HABP2: variants seen among roughly 807,000 people sequenced by gnomAD.
HABP2 encodes factor VII-activating protease.
HABP2 carries 65 observed loss-of-function variants against 66.5 expected under a neutral mutation model. The observed-to-expected ratio is 0.98, with a 90% CI of 0.80 to 1.20. The LOEUF (loss-of-function observed/expected upper bound fraction) is 1.20. HABP2 is among the 50% of genes most tolerant of loss of function. The probability of loss-of-function intolerance (pLI) is 0.00; values close to 1 mark genes in which losing one functional copy is unlikely to be tolerated. For synonymous variants in HABP2, 263 were observed against 253.9 expected (o/e 1.04, Z -0.34); for missense variants, 786 against 691.0 (o/e 1.14, Z -1.54).
At chr10:113,578,218 A>G in intron 6 of HABP2, 73 bp downstream of exon 6, 1 of 1,525,078 alleles carries the variant, frequency 6.6e-7, no homozygotes, top group Non-Finnish European at 9.0e-7. Context: ...TTTTGTTGCC[A>G]GAATGTGGTT....
chr10:113,583,304 A>T lies in HABP2; in HGVS notation c.1183A>T (p.Ile395Leu), dbSNP rs755098597. 1.2e-6 allele frequency: 2 copies of T among 1,611,974 alleles called. No individual in the cohort carries two copies. The highest frequency in any genetic ancestry group is 2.2e-5 in the East Asian group (1 of 44,890). Residue 395 changes from isoleucine (I) to leucine (L), a missense_variant, in exon 10 of 13, where the codon ATA (isoleucine) becomes TTA (leucine). Ile to Leu is a conservative substitution (Grantham distance 5, BLOSUM62 2). Coordinates refer to ENST00000351270, the MANE Select transcript of HABP2 (RefSeq NM_004132.5). ...TGAGCAGAGCTTTAGGGTGGAGAAG[A>T]TATTCAAGTACAGCCACTACAATGA... The part of the protein sequence containing the change: ...FHEQSFRVEK[I>L]FKYSHYNERD...
chr10:113,552,814 G>A (rs540186382), upstream of HABP2, among the ~76,000 whole-genome samples: 162 of 152,230 alleles, frequency 1.1e-3, no homozygotes, highest in African/African-American at 3.5e-3. Flanking sequence ...CTTCCTGCTC[G>A]GAACACCCAG....
rs11575632 is a variant in HABP2, at chr10:113,559,913, C to T, written c.69+6723C>T. ...CAGGCATAGGTGATCGGCGTCAGAGCCAGGAGACTTGAGCCTGAGTCCCTC... is the reference window on the plus strand; with the variant it reads ...CAGGCATAGGTGATCGGCGTCAGAGTCAGGAGACTTGAGCCTGAGTCCCTC... On this transcript the variant is annotated intron_variant, in intron 1 of 12. Coordinates refer to ENST00000351270, the MANE Select transcript of HABP2 (RefSeq NM_004132.5). Among the ~76,000 whole-genome samples the T allele has an allele frequency of 6.0e-3, 908 of 152,322 alleles. 5 individuals are homozygous for T. Among genetic ancestry groups the T allele is most frequent in the Admixed American group, 0.016 (245 of 15,308 alleles).
chr10:113,565,989 A>G (rs1418630374), intron 1 of HABP2, among the ~76,000 whole-genome samples: 1 of 152,196 alleles, frequency 6.6e-6, no homozygotes, highest in Non-Finnish European at 1.5e-5. Context: ...ATCAGGATGC[A>G]TTATTTCTTT....
Position 113,589,016 on chromosome 10 carries a change from CAGT to C in HABP2, c.*648_*650del, listed in dbSNP as rs1448820488. The C allele has an allele frequency of 3.1e-6, 5 of 1,614,098 alleles. No individual in the cohort carries two copies. Among genetic ancestry groups the C allele is most frequent in the Non-Finnish European group, 4.2e-6 (5 of 1,179,994 alleles). On this transcript the variant is annotated 3_prime_UTR_variant, in exon 13 of 13. Transcript: ENST00000351270. ...TTCTTCTTTTTGACGTGCAGAATCT[CAGT>C]GGCATCTGGGTTCACCTCCCCACTC...
chr10:113,566,344 G>A (rs11575663), intron 1 of HABP2, among the ~76,000 whole-genome samples: 10,362 of 152,340 alleles, frequency 0.068, 366 homozygotes, highest in South Asian at 0.1. Flanking sequence ...AAAACTGCTA[G>A]GCTTGGCCCA....
upstream of HABP2, among the ~76,000 whole-genome samples, chr10:113,551,983 G>T (rs1031959571): frequency 1.3e-5 from 2 of 152,150 alleles, no homozygotes; most frequent in African/African-American, 4.8e-5. Context: ...AAGTCATTTA[G>T]GAGGTAAAAT....
chr10:113,586,901 T>C (rs1041851610), intron 12 of HABP2, among the ~76,000 whole-genome samples: 5 of 152,230 alleles, frequency 3.3e-5, no homozygotes, highest in Non-Finnish European at 5.9e-5. Context: ...CCAGGGTTTG[T>C]GGCTCTCCTG....
At chr10:113,567,193 C>G (rs534726946) in intron 1 of HABP2, among the ~76,000 whole-genome samples, 1 of 152,174 alleles carries the variant, frequency 6.6e-6, no homozygotes, top group Non-Finnish European at 1.5e-5. Flanking sequence ...GACGAGCACA[C>G]CAGTACCTGG....
At chr10:113,553,845 C>A (rs947779058) in intron 1 of HABP2, among the ~76,000 whole-genome samples, 12 of 152,212 alleles carry the variant, frequency 7.9e-5, no homozygotes, top group Admixed American at 1.3e-4. Context: ...CAGGACCTTC[C>A]GGAGCAGATG....
At chr10:113,570,610 T>G (rs1314131908) in intron 2 of HABP2, among the ~76,000 whole-genome samples, 1 of 152,252 alleles carries the variant, frequency 6.6e-6, no homozygotes, top group Non-Finnish European at 1.5e-5. Context: ...GGAAAATATG[T>G]GGACGAGTTT....
chr10:113,554,218 C>T (rs1592679142), intron 1 of HABP2, among the ~76,000 whole-genome samples: 1 of 152,262 alleles, frequency 6.6e-6, no homozygotes, highest in East Asian at 1.9e-4. Context: ...CACAACTTCT[C>T]CATAAAAATC....
intron 1 of HABP2, among the ~76,000 whole-genome samples, chr10:113,557,725 G>A (rs1211579899): frequency 6.6e-6 from 1 of 152,238 alleles, no homozygotes; most frequent in Non-Finnish European, 1.5e-5. Flanking sequence ...ACTGACAACA[G>A]TGGCTATTAA....
Position 113,580,643 on chromosome 10 carries a change from T to C in HABP2, c.789T>C (p.Asn263=). Residue 263 remains asparagine, a synonymous_variant, in exon 8 of 13, where the codon AAT becomes AAC. Coordinates refer to ENST00000351270, the MANE Select transcript of HABP2 (RefSeq NM_004132.5). ...CCTGGTGCTTTATTAAAGTTACCAATGACAAGGTGAAATGGGAATACTGTG... is the reference window on the plus strand; with the variant it reads ...CCTGGTGCTTTATTAAAGTTACCAACGACAAGGTGAAATGGGAATACTGTG... ...EKPWCFIKVT[N]DKVKWEYCDV... 1.9e-6 allele frequency: 3 copies of C among 1,605,458 alleles called. No individual in the cohort carries two copies. The highest frequency in any genetic ancestry group is 2.6e-6 in the Non-Finnish European group (3 of 1,172,258).
At chr10:113,570,482 C>G (rs1845285578) in intron 2 of HABP2, among the ~76,000 whole-genome samples, 1 of 152,196 alleles carries the variant, frequency 6.6e-6, no homozygotes, top group African/African-American at 2.4e-5. Context: ...CCCAAAGCTC[C>G]TCCCTTTTCT....
intron 9 of HABP2, among the ~76,000 whole-genome samples, chr10:113,582,967 G>T (rs1197362129): frequency 4.6e-5 from 7 of 152,204 alleles, no homozygotes. Context: ...TGTTTCTTTG[G>T]AAGGCCTAGG....
intron 1 of HABP2, among the ~76,000 whole-genome samples, chr10:113,553,752 G>A (rs1844941199): frequency 6.6e-6 from 1 of 152,198 alleles, no homozygotes; most frequent in Non-Finnish European, 1.5e-5. Flanking sequence ...AGCAGATGAG[G>A]CAGAGAAGGT....
intron 1 of HABP2, among the ~76,000 whole-genome samples, chr10:113,555,076 G>T (rs531949065): frequency 3.9e-5 from 6 of 152,334 alleles, no homozygotes; most frequent in Admixed American, 3.3e-4. Flanking sequence ...AGCCAGCTGG[G>T]CTGGGTGGCC....
upstream of HABP2, among the ~76,000 whole-genome samples, chr10:113,551,321 T>C (rs921236196): frequency 6.6e-5 from 10 of 152,218 alleles, no homozygotes; most frequent in African/African-American, 2.2e-4. Context: ...ACCTCATAAA[T>C]GCTGTAAAGA....
Sources: gnomAD v4.1 joint callset for allele counts (sites outside exome capture counted in the v4.1 genomes callset) on GRCh38, gnomAD v4.1.1 for gene constraint, MANE v1.5 for transcripts, NCBI Gene and HGNC (gene_info 2026-07-23, HGNC 2026-07-21) for gene names.